Variants in PRIM2 observed in about 807,000 individuals in gnomAD.
PRIM2 encodes DNA primase large subunit.
Under a neutral mutation model 67.3 loss-of-function variants are expected in PRIM2, and 39 were observed. The observed-to-expected ratio is 0.58, with a 90% CI of 0.45 to 0.76. PRIM2 has a LOEUF of 0.76. Ranked by LOEUF, PRIM2 falls within the 30% of genes least tolerant of loss-of-function variation. The pLI is 0.00. For synonymous variants in PRIM2, 143 were observed against 198.7 expected, an observed-to-expected ratio of 0.72 and a Z score of 2.36; for missense variants, 398 against 598.7, an observed-to-expected ratio of 0.66 and a Z score of 3.50.
At chr6:57,286,965 C>G in the PRIM2 span, among the ~76,000 whole-genome samples, 1 of 152,186 alleles carries the variant, frequency 6.6e-6, no homozygotes, top group Non-Finnish European at 1.5e-5. Context: ...ACAGACACTT[C>G]TCAAAAGAAG....
intron 12 of PRIM2, among the ~76,000 whole-genome samples, chr6:57,631,691 C>A (rs1458044510): frequency 1.3e-5 from 2 of 152,130 alleles, no homozygotes; most frequent in African/African-American, 4.8e-5. Context: ...TATGCTGTAT[C>A]TGTATAAACC....
chr6:57,252,533 C>A, the PRIM2 span, among the ~76,000 whole-genome samples: 1 of 152,166 alleles, frequency 6.6e-6, no homozygotes, highest in African/African-American at 2.4e-5. Flanking sequence ...CTCTGCCTCC[C>A]GGGTTCAAGG....
chr6:57,618,073 A>G (rs1776785602), intron 12 of PRIM2, among the ~76,000 whole-genome samples: 3 of 152,310 alleles, frequency 2.0e-5, no homozygotes, highest in Non-Finnish European at 4.4e-5. Context: ...TGGAATCTCA[A>G]TTTCTACTGT....
chr6:57,332,112 A>C (rs902492171), intron 5 of PRIM2, among the ~76,000 whole-genome samples: 3 of 151,842 alleles, frequency 2.0e-5, no homozygotes, highest in African/African-American at 7.3e-5. Flanking sequence ...TTTTTCATTT[A>C]TTTCAAAGTA....
chr6:57,432,892 A>G (rs1771881278), intron 7 of PRIM2, among the ~76,000 whole-genome samples: 2 of 152,256 alleles, frequency 1.3e-5, no homozygotes, highest in Admixed American at 6.5e-5. Flanking sequence ...TAATCTAAAC[A>G]GGAACATTTA....
At chr6:57,547,323 GCT>G (rs1775309089) in intron 10 of PRIM2, among the ~76,000 whole-genome samples, 1 of 152,002 alleles carries the variant, frequency 6.6e-6, no homozygotes, top group Non-Finnish European at 1.5e-5. Context: ...TATATTTTGT[GCT>G]GCGACGTCAT....
intron 5 of PRIM2, among the ~76,000 whole-genome samples, chr6:57,330,392 T>G (rs982336219): frequency 3.4e-5 from 5 of 148,358 alleles, no homozygotes; most frequent in African/African-American, 9.9e-5. Flanking sequence ...TGTTTTTTTT[T>G]TTTTGAGATG....
At chr6:57,632,947 T>G (rs1440075483) in intron 13 of PRIM2, among the ~76,000 whole-genome samples, 3 of 152,164 alleles carry the variant, frequency 2.0e-5, no homozygotes, top group African/African-American at 7.2e-5. Flanking sequence ...GCCTGCTTGA[T>G]TATTAGAGTA....
the PRIM2 span, among the ~76,000 whole-genome samples, chr6:57,246,447 C>G: frequency 3.3e-5 from 5 of 152,160 alleles, no homozygotes; most frequent in Admixed American, 3.3e-4. Context: ...CCAACTCTTA[C>G]CAATAGCTCC....
At chr6:57,467,536 G>A (rs1334501362) in intron 7 of PRIM2, among the ~76,000 whole-genome samples, 1 of 152,168 alleles carries the variant, frequency 6.6e-6, no homozygotes, top group African/African-American at 2.4e-5. Flanking sequence ...TAGCCGTATA[G>A]TATAGTTTGA....
chr6:57,398,020 C>T (rs950050431), intron 7 of PRIM2, among the ~76,000 whole-genome samples: 7 of 147,916 alleles, frequency 4.7e-5, no homozygotes, highest in East Asian at 2.0e-4. Context: ...AGTGCAGTGG[C>T]GTGATCTCGG....
chr6:57,616,209 C>T (rs1349879735), intron 12 of PRIM2, among the ~76,000 whole-genome samples: 2 of 152,190 alleles, frequency 1.3e-5, no homozygotes, highest in African/African-American at 4.8e-5. Context: ...TTTTGGCCTG[C>T]TTATGCAAAG....
the PRIM2 span, among the ~76,000 whole-genome samples, chr6:57,260,172 G>T: frequency 1.3e-5 from 2 of 152,078 alleles, no homozygotes; most frequent in Admixed American, 6.6e-5. Context: ...AACCAATAAC[G>T]CAATCTACCA....
chr6:57,511,894 T>C (rs1466199320), intron 8 of PRIM2, among the ~76,000 whole-genome samples: 5 of 152,158 alleles, frequency 3.3e-5, no homozygotes, highest in Non-Finnish European at 7.4e-5. Flanking sequence ...GAGTGAGGTT[T>C]ACATCAGGGA....
At chr6:57,642,433 A>ACCT (rs1444848326) in intron 13 of PRIM2, among the ~76,000 whole-genome samples, 2,019 of 106,294 alleles carry the variant, frequency 0.019, 82 homozygotes, top group African/African-American at 0.03. Context: ...TAAATATTAT[A>ACCT]TCTTTTTTTT....
At chr6:57,300,390 G>T in the PRIM2 span, among the ~76,000 whole-genome samples, 1 of 152,130 alleles carries the variant, frequency 6.6e-6, no homozygotes. Context: ...CTCTGAGTGG[G>T]CAAGGATACT....
At chr6:57,516,773 C>CA (rs1774497223) in intron 8 of PRIM2, among the ~76,000 whole-genome samples, 2 of 152,124 alleles carry the variant, frequency 1.3e-5, no homozygotes, top group African/African-American at 4.8e-5. Context: ...ATTAAAGGAA[C>CA]TCTTACTGGT....
At chr6:57,248,784 T>G in the PRIM2 span, among the ~76,000 whole-genome samples, 2 of 152,232 alleles carry the variant, frequency 1.3e-5, no homozygotes, top group East Asian at 3.8e-4. Flanking sequence ...GCCTCTGATA[T>G]CCAGTCAGCA....
At chr6:57,271,821 T>C in the PRIM2 span, among the ~76,000 whole-genome samples, 1 of 152,236 alleles carries the variant, frequency 6.6e-6, no homozygotes, top group South Asian at 2.1e-4. Flanking sequence ...GATTCTGGTA[T>C]GTTGTGTCTT....
Sources: allele counts gnomAD v4.1 joint callset (sites outside exome capture counted in the v4.1 genomes callset), GRCh38; gene constraint gnomAD v4.1.1; transcripts MANE v1.5; gene names NCBI Gene and HGNC (gene_info 2026-07-23, HGNC 2026-07-21).